SLC27A3: variants seen among roughly 807,000 people sequenced by gnomAD.
SLC27A3 encodes the protein solute carrier family 27 member 3, also known as long-chain fatty acid transport protein 3.
Under a neutral mutation model 60.1 loss-of-function variants are expected in SLC27A3, and 60 were observed. The observed-to-expected ratio is 1.00, with a 90% CI of 0.81 to 1.24. SLC27A3 has a LOEUF of 1.24. SLC27A3 is among the 50% of genes most tolerant of loss of function. The pLI, the probability that SLC27A3 is intolerant of heterozygous loss-of-function variation, is 0.00. For missense variants in SLC27A3, 1,079 were observed against 929.9 expected, an observed-to-expected ratio of 1.16 and a Z score of -2.09; for synonymous variants, 455 against 409.0, an observed-to-expected ratio of 1.11 and a Z score of -1.36.
In SLC27A3 at chr1:153,779,909, C is replaced by T. The variant is rs1490803394; in HGVS notation, c.1959C>T (p.Asp653=). Residue 653 remains aspartate (D), a synonymous_variant, in exon 10 of 10, where the codon GAC becomes GAT. Coordinates refer to ENST00000624995, the MANE Select transcript of SLC27A3 (RefSeq NM_024330.4). ...GCTTCGACCCCAGCACCCTGTCTGA[C>T]CCACTGTACGTTCTGGACCAGGCTG... ...NEGFDPSTLS[D]PLYVLDQAVG... 6.2e-7 allele frequency: 1 copy of T among 1,614,056 alleles called. No individual in the cohort carries two copies. The highest frequency in any genetic ancestry group is 1.3e-5 in the African/African-American group (1 of 74,932).
intron 6 of SLC27A3, 62 bp downstream of exon 6, chr1:153,778,615 G>A: frequency 2.5e-6 from 4 of 1,609,550 alleles, no homozygotes; most frequent in Non-Finnish European, 3.4e-6. Context: ...ACTGGAATTG[G>A]AGACTGGGGT....
At position 153,779,453 on chromosome 1, in the gene SLC27A3, C is replaced by T. The variant is rs766334578; in HGVS notation, c.1855C>T (p.Pro619Ser). ...VSENLPPYARPRFLRLQESLA... is the reference protein window; with the variant it reads ...VSENLPPYARSRFLRLQESLA... Reference sequence around the variant, plus strand: ...TGAGAACTTGCCACCTTATGCCCGGCCCCGATTCCTCAGGCTCCAGGTAAC... The same window carrying T: ...TGAGAACTTGCCACCTTATGCCCGGTCCCGATTCCTCAGGCTCCAGGTAAC... The change falls in exon 9 of 10, where the codon CCC (proline) becomes TCC (serine). Residue 619 changes from proline to serine, a missense_variant. Coordinates refer to ENST00000624995, the MANE Select transcript of SLC27A3 (RefSeq NM_024330.4). 7 of 1,613,572 alleles carry T rather than the reference C, an allele frequency of 4.3e-6. No individual in the cohort carries two copies. Among genetic ancestry groups the T allele is most frequent in the Non-Finnish European group, 5.9e-6 (7 of 1,179,936 alleles).
chr1:153,775,872 G>T lies in SLC27A3; in HGVS notation c.375G>T (p.Gly125=). The T allele has an allele frequency of 1.3e-6, 2 of 1,491,380 alleles. No individual in the cohort carries two copies. Among genetic ancestry groups the T allele is most frequent in the Non-Finnish European group, 1.8e-6 (2 of 1,126,686 alleles). The allele number at this position is 1,491,380 out of a possible 1,614,324, so 92.4% of individuals were successfully genotyped here. Residue 125 remains glycine (G), a synonymous_variant, in exon 1 of 10, where the codon GGG becomes GGT. Coordinates refer to ENST00000624995, the MANE Select transcript of SLC27A3 (RefSeq NM_024330.4). ...WGPDGGDSGE[G]SAGEGERAAP... The stretch of plus-strand genomic sequence containing the variant: ...CCGACGGCGGCGACAGCGGCGAGGG[G>T]AGCGCTGGAGAAGGCGAGCGGGCAG...
In SLC27A3 at chr1:153,775,997, G is replaced by C; in HGVS notation, c.500G>C (p.Gly167Ala). ...GGAGCCGCCGCCCCTCTGTCACCTGGAGCAACTGTGGCGCTGCTCCTCCCC... is the reference window on the plus strand; with the variant it reads ...GGAGCCGCCGCCCCTCTGTCACCTGCAGCAACTGTGGCGCTGCTCCTCCCC... ...GGGAAAPLSP[G>A]ATVALLLPAG... Residue 167 changes from glycine to alanine, a missense_variant, in exon 1 of 10, where the codon GGA becomes GCA. Coordinates refer to ENST00000624995, the MANE Select transcript of SLC27A3 (RefSeq NM_024330.4). The C allele has an allele frequency of 6.9e-7, 1 of 1,450,934 alleles. No homozygotes were observed. Among genetic ancestry groups the C allele is most frequent in the Non-Finnish European group, 9.0e-7 (1 of 1,108,864 alleles). 89.9% of individuals were successfully genotyped at this position (1,450,934 alleles called of 1,614,324 possible). A position where few individuals can be genotyped will look rare whatever the true frequency, so the allele number is the denominator to read the frequency against.
chr1:153,779,507 C>T, intron 9 of SLC27A3, 34 bp downstream of exon 9: 1 of 1,601,868 alleles, frequency 6.2e-7, no homozygotes, highest in East Asian at 2.2e-5. Flanking sequence ...GCCCCTCACC[C>T]CATATATCCT....
At chr1:153,779,784 A>G (rs1673443363) in intron 9 of SLC27A3, 42 bp from the exon 10 acceptor site, 2 of 1,585,680 alleles carry the variant, frequency 1.3e-6, no homozygotes, top group African/African-American at 1.4e-5. Context: ...CCACGTGGGC[A>G]GAGTCCCCTT....
Position 153,776,178 on chromosome 1 carries a change from T to A in SLC27A3, c.667+14T>A. ...TGCTGGCGCCAGGTAAGGCTGGAGC[T>A]CCGAACTGACTAAGGCGGGGCCAGC... is the stretch of plus-strand genomic sequence containing the variant. On this transcript the variant is annotated intron_variant, in intron 1 of 9. Coordinates refer to ENST00000624995, the MANE Select transcript of SLC27A3 (RefSeq NM_024330.4). 1.4e-6 allele frequency: 2 copies of A among 1,413,414 alleles called. No homozygotes were observed. Among genetic ancestry groups the A allele is most frequent in the South Asian group, 1.5e-5 (1 of 64,772 alleles). The allele number at this position is 1,413,414 out of a possible 1,614,324, so 87.6% of individuals were successfully genotyped here.
At chr1:153,776,407 C>A (rs989968892) in intron 1 of SLC27A3, 111 bp from the exon 2 acceptor site, 4 of 1,288,864 alleles carry the variant, frequency 3.1e-6, no homozygotes, top group African/African-American at 3.0e-5. Flanking sequence ...AATGTCCATA[C>A]CCTTCACCCT....
At chr1:153,777,950 T>C in intron 4 of SLC27A3, 65 bp downstream of exon 4, 2 of 1,605,882 alleles carry the variant, frequency 1.2e-6, no homozygotes, top group East Asian at 4.5e-5. Context: ...AGCAGGACAG[T>C]TGACAGGAGA....
At position 153,777,139 on chromosome 1, in the gene SLC27A3, C is replaced by T; in HGVS notation, c.955C>T (p.Gln319Ter). ...CTTCTATCAGCTGTGTGGTGTCCAC[C>T]AGGAAGATGTGATCTACCTCGCCCT... is the stretch of plus-strand genomic sequence containing the variant. ...QGFYQLCGVH[Q>*]EDVIYLALPL... Residue 319 changes from glutamine (Q) to a stop codon, truncating the protein, a stop_gained, in exon 3 of 10, where the codon CAG becomes TAG. Transcript: ENST00000624995. LOFTEE classifies it high-confidence loss of function. The T allele has an allele frequency of 6.2e-7, 1 of 1,614,264 alleles. No homozygotes were observed. The highest frequency in any genetic ancestry group is 8.5e-7 in the Non-Finnish European group (1 of 1,180,028).
intron 9 of SLC27A3, 69 bp downstream of exon 9, chr1:153,779,542 T>C: frequency 6.5e-7 from 1 of 1,543,982 alleles, no homozygotes; most frequent in Non-Finnish European, 8.8e-7. Context: ...ACCCCGTGTA[T>C]CAACTTAGGA....
chr1:153,777,291 G>A (rs1673281792), intron 3 of SLC27A3, 71 bp downstream of exon 3: 8 of 1,553,562 alleles, frequency 5.1e-6, no homozygotes, highest in South Asian at 1.2e-5. Context: ...TATGGTGTGA[G>A]TCCTCCAGGG....
Position 153,775,778 on chromosome 1 carries a change from CAG to C in SLC27A3, c.284_285del (p.Glu95GlyfsTer6), listed in dbSNP as rs759558879. ...CACGGCTCGCGGCGCTTTAGCTACT[CAG>C]AGGCGGAGCGCGAGAGTAACAGGGC... On this transcript the variant is annotated frameshift_variant, in exon 1 of 10. Coordinates refer to ENST00000624995, the MANE Select transcript of SLC27A3 (RefSeq NM_024330.4). LOFTEE classifies it high-confidence loss of function. 6.7e-5 allele frequency: 101 copies of C among 1,506,476 alleles called. No homozygotes were observed. The highest frequency in any genetic ancestry group is 1.4e-4 in the East Asian group (6 of 41,722). 93.3% of individuals were successfully genotyped at this position (1,506,476 alleles called of 1,614,324 possible).
rs376715519 is a variant in SLC27A3 at position 153,777,886 on chromosome 1, G to C, written c.1161+1G>C. ...CCGATACCTTGTCAACCAGCCCCCG[G>C]TGCGTGGGCACAGATCCTGGGCAGA... is the stretch of plus-strand genomic sequence containing the variant. On this transcript the variant is annotated splice_donor_variant, in intron 4 of 9. Transcript: ENST00000624995. LOFTEE classifies it high-confidence loss of function. 4.7e-5 allele frequency: 76 copies of C among 1,614,096 alleles called. No homozygotes were observed. In the South Asian group the frequency reaches 7.6e-4, roughly 16 times the overall value.
Position 153,777,750 on chromosome 1 carries a change from A to T in SLC27A3, c.1037-11A>T, listed in dbSNP as rs757108092. On this transcript the variant is annotated splice_polypyrimidine_tract_variant and intron_variant, in intron 3 of 9. Transcript: ENST00000624995. ...TTACCTCCCTTCTTCCCCCCTGCCC[A>T]CTTCTGGCAGGGGCCACAGTGGTGC... 2 of 1,613,558 alleles carry T rather than the reference A, an allele frequency of 1.2e-6. No individual in the cohort carries two copies. Among genetic ancestry groups the T allele is most frequent in the Non-Finnish European group, 1.7e-6 (2 of 1,179,876 alleles).
chr1:153,779,557 G>A (rs113951222), intron 9 of SLC27A3, 84 bp downstream of exon 9: 162 of 1,480,584 alleles, frequency 1.1e-4, no homozygotes, highest in Admixed American at 3.0e-4. Flanking sequence ...TTAGGAGTTT[G>A]ATGGCTCCCA....
intron 3 of SLC27A3, 55 bp downstream of exon 3, chr1:153,777,275 A>G: frequency 6.3e-7 from 1 of 1,596,570 alleles, no homozygotes; most frequent in Non-Finnish European, 8.6e-7. Context: ...TTTATTAAGC[A>G]CGTACTATGG....
In SLC27A3 at chr1:153,779,895, A is replaced by G; in HGVS notation, c.1945A>G (p.Ser649Gly). The change falls in exon 10 of 10, where the codon AGC (serine) becomes GGC (glycine). Residue 649 changes from serine (S) to glycine (G), a missense_variant. Transcript: ENST00000624995. The part of the protein sequence containing the change: ...VRMANEGFDP[S>G]TLSDPLYVLD... ...GATGGCAAATGAGGGCTTCGACCCC[A>G]GCACCCTGTCTGACCCACTGTACGT... The G allele has an allele frequency of 1.9e-6, 3 of 1,613,914 alleles. No individual in the cohort carries two copies. The highest frequency in any genetic ancestry group is 1.3e-5 in the African/African-American group (1 of 74,924).
At chr1:153,779,234 G>T in intron 8 of SLC27A3, 23 bp downstream of exon 8, 1 of 1,613,562 alleles carries the variant, frequency 6.2e-7, no homozygotes, top group South Asian at 1.1e-5. Context: ...GGAAGGTGGG[G>T]GAGGCACCCA....
Sources: gnomAD v4.1 joint callset for allele counts on GRCh38, gnomAD v4.1.1 for gene constraint, MANE v1.5 for transcripts, NCBI Gene and HGNC (gene_info 2026-07-23, HGNC 2026-07-21) for gene names.